Variants in NRXN3 observed in about 807,000 individuals in gnomAD.
NRXN3 encodes neurexin 3.
Under a neutral mutation model 137.6 loss-of-function variants are expected in NRXN3, and 32 were observed. That is an observed-to-expected ratio of 0.23 (90% CI 0.18 to 0.31). The LOEUF (loss-of-function observed/expected upper bound fraction) is 0.31, where lower values mean the gene tolerates loss of function less well. NRXN3 is among the 10% of genes least tolerant of loss of function. The pLI is 1.00. For missense variants in NRXN3, 1,574 were observed against 2,062.5 expected (o/e 0.76, Z 4.59); for synonymous variants, 798 against 784.5 (o/e 1.02, Z -0.29).
At chr14:78,226,964 C>T (rs1220612248) in intron 1 of NRXN3, among the ~76,000 whole-genome samples, 1 of 152,188 alleles carries the variant, frequency 6.6e-6, no homozygotes, top group Non-Finnish European at 1.5e-5. Context: ...CATCCAAATG[C>T]ATTTAATTAC....
intron 15 of NRXN3, among the ~76,000 whole-genome samples, chr14:79,380,754 G>A (rs1186198349): frequency 6.6e-6 from 1 of 152,160 alleles, no homozygotes; most frequent in African/African-American, 2.4e-5. Flanking sequence ...ACAGGTGCTG[G>A]AGAGGATGTG....
chr14:79,733,295 CA>C (rs1167080656), intron 19 of NRXN3, among the ~76,000 whole-genome samples: 1 of 152,156 alleles, frequency 6.6e-6, no homozygotes, highest in African/African-American at 2.4e-5. Flanking sequence ...TAACAGCCCG[CA>C]ATACAAAAAT....
chr14:79,236,984 C>T (rs376987014), intron 15 of NRXN3, among the ~76,000 whole-genome samples: 4 of 151,792 alleles, frequency 2.6e-5, no homozygotes, highest in African/African-American at 4.8e-5. Context: ...ATTCTTCCTC[C>T]GTCATTTATT....
rs1005225707 is a variant in NRXN3 at position 78,288,226 on chromosome 14, C to T, written c.727+9564C>T. Among the ~76,000 whole-genome samples the T allele has an allele frequency of 5.3e-5, 8 of 152,238 alleles. No individual in the cohort carries two copies. In the South Asian group the frequency reaches 6.2e-4, roughly 12 times the overall value. On this transcript the variant is annotated intron_variant, in intron 3 of 20. Coordinates refer to ENST00000335750, the MANE Select transcript of NRXN3 (RefSeq NM_001330195.2). Reference sequence around the variant, plus strand: ...AACTCCTGCCCTCAGGTGATCCACCCGCCTCGGCTTCCAAAAGTGCTGGGA... The same window carrying T: ...AACTCCTGCCCTCAGGTGATCCACCTGCCTCGGCTTCCAAAAGTGCTGGGA...
At chr14:79,072,315 G>A (rs1251614055) in intron 15 of NRXN3, 4 of 152,164 alleles carry the variant, frequency 2.6e-5, no homozygotes, top group South Asian at 2.1e-4. Context: ...TGTTGATGAG[G>A]AATAGACAGC....
chr14:78,888,239 A>G (rs932732327), intron 10 of NRXN3, among the ~76,000 whole-genome samples: 1 of 152,062 alleles, frequency 6.6e-6, no homozygotes, highest in African/African-American at 2.4e-5. Context: ...GCAACATGAC[A>G]GATGTAGGAA....
intron 20 of NRXN3, among the ~76,000 whole-genome samples, chr14:79,826,220 T>G (rs911312142): frequency 1.3e-5 from 2 of 152,122 alleles, no homozygotes; most frequent in Non-Finnish European, 2.9e-5. Context: ...CTCAAACTCC[T>G]GGCCTCAGGT....
intron 8 of NRXN3, among the ~76,000 whole-genome samples, chr14:78,769,992 T>C (rs1273812321): frequency 6.6e-6 from 1 of 152,032 alleles, no homozygotes; most frequent in Non-Finnish European, 1.5e-5. Context: ...GATGTTCTTG[T>C]CTATTTTTGC....
intron 15 of NRXN3, among the ~76,000 whole-genome samples, chr14:79,366,035 C>G (rs1163817816): frequency 6.6e-6 from 1 of 152,100 alleles, no homozygotes; most frequent in Non-Finnish European, 1.5e-5. Flanking sequence ...AAGCACCCCT[C>G]TCTTCAGCAC....
intron 4 of NRXN3, among the ~76,000 whole-genome samples, chr14:78,634,433 T>A (rs2097549513): frequency 6.6e-6 from 1 of 152,210 alleles, no homozygotes; most frequent in African/African-American, 2.4e-5. Context: ...TCACAGCGTA[T>A]GGTTAAAAAG....
chr14:78,507,216 A>G (rs1413874490), intron 4 of NRXN3, among the ~76,000 whole-genome samples: 1 of 152,188 alleles, frequency 6.6e-6, no homozygotes. Flanking sequence ...AAACGAATCC[A>G]TGGGTTGAAA....
chr14:79,382,490 G>A (rs1430773527), intron 15 of NRXN3, among the ~76,000 whole-genome samples: 2 of 152,010 alleles, frequency 1.3e-5, no homozygotes, highest in Non-Finnish European at 2.9e-5. Context: ...TCTGTCAGTC[G>A]GTTGTCTGTG....
intron 15 of NRXN3, among the ~76,000 whole-genome samples, chr14:79,255,984 T>C (rs1319217655): frequency 6.6e-6 from 1 of 152,216 alleles, no homozygotes; most frequent in Non-Finnish European, 1.5e-5. Flanking sequence ...ATGATAATCC[T>C]ATATCCAACT....
intron 20 of NRXN3, among the ~76,000 whole-genome samples, chr14:79,850,838 A>G (rs1486821849): frequency 2.0e-5 from 3 of 152,216 alleles, no homozygotes; most frequent in African/African-American, 7.2e-5. Flanking sequence ...AGGTTTGTGT[A>G]TGTGAACTAA....
At chr14:79,079,398 C>T (rs749409920) in intron 15 of NRXN3, among the ~76,000 whole-genome samples, 1 of 152,032 alleles carries the variant, frequency 6.6e-6, no homozygotes, top group Non-Finnish European at 1.5e-5. Flanking sequence ...AATGGTTTCT[C>T]CATGAAGAAA....
At chr14:79,386,346 T>G (rs2094616471) in intron 15 of NRXN3, among the ~76,000 whole-genome samples, 1 of 151,764 alleles carries the variant, frequency 6.6e-6, no homozygotes, top group South Asian at 2.1e-4. Context: ...ACTGAACCAC[T>G]CACAATTGCT....
chr14:79,856,797 GC>G (rs1395341512), intron 20 of NRXN3, among the ~76,000 whole-genome samples: 2 of 151,762 alleles, frequency 1.3e-5, no homozygotes, highest in Non-Finnish European at 2.9e-5. Flanking sequence ...CACTCATAAA[GC>G]AAAAAAGCCG....
intron 15 of NRXN3, among the ~76,000 whole-genome samples, chr14:79,260,527 T>C (rs1763059785): frequency 1.3e-5 from 2 of 152,132 alleles, no homozygotes; most frequent in Non-Finnish European, 2.9e-5. Context: ...AACATAGGTG[T>C]ATATTGTCTC....
At chr14:78,522,606 A>G (rs757420717) in intron 4 of NRXN3, among the ~76,000 whole-genome samples, 4 of 152,122 alleles carry the variant, frequency 2.6e-5, no homozygotes, top group Non-Finnish European at 5.9e-5. Context: ...TAAAAATCAC[A>G]TTTTAATGAT....
Sources: gnomAD v4.1 joint callset for allele counts (sites outside exome capture counted in the v4.1 genomes callset) on GRCh38, gnomAD v4.1.1 for gene constraint, MANE v1.5 for transcripts, NCBI Gene and HGNC (gene_info 2026-07-23, HGNC 2026-07-21) for gene names.